Variants in HEXB observed in about 807,000 individuals in gnomAD.
HEXB encodes hexosaminidase subunit beta, also known as beta-hexosaminidase subunit beta.
Under a neutral mutation model 71.2 loss-of-function variants are expected in HEXB, and 51 were observed. The ratio of observed to expected loss-of-function variants is 0.72; its 90% confidence interval spans 0.57 to 0.90. The LOEUF (loss-of-function observed/expected upper bound fraction) is 0.90, where lower values mean the gene tolerates loss of function less well. Ranked by LOEUF, HEXB falls within the 40% of genes least tolerant of loss-of-function variation. The probability of loss-of-function intolerance (pLI) is 0.00; values close to 1 mark genes in which losing one functional copy is unlikely to be tolerated. For synonymous variants in HEXB, 266 were observed against 249.3 expected (o/e 1.07, Z -0.63); for missense variants, 617 against 677.0 (o/e 0.91, Z 0.98).
At chr5:74,648,449 A>G (rs1748041199) in intron 1 of HEXB, among the ~76,000 whole-genome samples, 1 of 152,220 alleles carries the variant, frequency 6.6e-6, no homozygotes, top group Admixed American at 6.5e-5. Context: ...GTCCCCTGAC[A>G]CCTCCAATCC....
At chr5:74,644,964 G>A (rs1464218998) in intron 1 of HEXB, among the ~76,000 whole-genome samples, 3 of 151,124 alleles carry the variant, frequency 2.0e-5, no homozygotes, top group Non-Finnish European at 4.4e-5. Flanking sequence ...TACAGACAGG[G>A]GTCCATCATG....
At chr5:74,684,608 T>A (rs945757264), upstream of HEXB, among the ~76,000 whole-genome samples, 3 of 151,896 alleles carry the variant, frequency 2.0e-5, no homozygotes, top group African/African-American at 7.3e-5. Flanking sequence ...GTTGACAGCG[T>A]GAGCGGCGAC....
chr5:74,703,899 A>G (rs1043425368), intron 5 of HEXB, among the ~76,000 whole-genome samples: 4 of 152,150 alleles, frequency 2.6e-5, no homozygotes, highest in African/African-American at 9.7e-5. Flanking sequence ...GGCTGGTCTC[A>G]AACTCCTGGG....
intron 1 of HEXB, among the ~76,000 whole-genome samples, chr5:74,663,506 C>T (rs1748370791): frequency 1.3e-5 from 2 of 152,074 alleles, no homozygotes; most frequent in South Asian, 4.2e-4. Flanking sequence ...TGACCTCTTT[C>T]TAATCACGTG....
intron 1 of HEXB, among the ~76,000 whole-genome samples, chr5:74,670,067 G>GTAC (rs1748504465): frequency 6.6e-6 from 1 of 152,136 alleles, no homozygotes. Context: ...GAAAGCCAAG[G>GTAC]TACTAGTCTT....
upstream of HEXB, among the ~76,000 whole-genome samples, chr5:74,682,757 T>A (rs1051272208): frequency 6.6e-6 from 1 of 152,218 alleles, no homozygotes; most frequent in African/African-American, 2.4e-5. Context: ...GGGAGAATAG[T>A]GTGCCACTGA....
At chr5:74,661,089 A>T (rs1748310539) in intron 1 of HEXB, among the ~76,000 whole-genome samples, 1 of 152,202 alleles carries the variant, frequency 6.6e-6, no homozygotes, top group South Asian at 2.1e-4. Context: ...AGCTGGAGCC[A>T]CAGTGAGCCA....
intron 5 of HEXB, among the ~76,000 whole-genome samples, chr5:74,702,102 G>A (rs1234021845): frequency 2.7e-5 from 3 of 110,256 alleles, no homozygotes; most frequent in African/African-American, 3.6e-5. Flanking sequence ...TTTTTGAGAC[G>A]GAGTCTCGCT....
Position 74,708,631 on chromosome 5 carries a change from G to C in HEXB, c.771+3311G>C, listed in dbSNP as rs542591821. The stretch of plus-strand genomic sequence containing the variant: ...GAAATGGAAAACAAAAAAAGTCAGG[G>C]GTTGCAATCCTAGTCTCTGATAAAA... On this transcript the variant is annotated intron_variant, in intron 6 of 13. Coordinates refer to ENST00000261416, the MANE Select transcript of HEXB (RefSeq NM_000521.4). Among the ~76,000 whole-genome samples the C allele has an allele frequency of 1.3e-4, 19 of 151,976 alleles. No homozygotes were observed. The East Asian group carries it at 3.5e-3, about 28-fold the overall frequency.
In HEXB at chr5:74,718,897, CT is replaced by C. The variant is rs1324338803; in HGVS notation, c.1345del (p.Trp449GlyfsTer3). On this transcript the variant is annotated frameshift_variant, in exon 11 of 14. Coordinates refer to ENST00000261416, the MANE Select transcript of HEXB (RefSeq NM_000521.4). LOFTEE classifies it high-confidence loss of function. ...ASGFPVILSA[P>X]WYLDLISYGQ... is the part of the protein sequence containing the mutation. ...GGCTTCCCTGTAATCCTTTCTGCTC[CT>C]TGGTACTTAGATTTGATTAGCTATG... 9.9e-6 allele frequency: 16 copies of C among 1,613,890 alleles called. No homozygotes were observed. Among genetic ancestry groups the C allele is most frequent in the Non-Finnish European group, 1.4e-5 (16 of 1,179,958 alleles).
chr5:74,642,389 G>T (rs1267473416), intron 1 of HEXB, among the ~76,000 whole-genome samples: 2 of 152,168 alleles, frequency 1.3e-5, no homozygotes, highest in African/African-American at 2.4e-5. Flanking sequence ...CTGGCAAGCA[G>T]CACCCAGGTT....
At chr5:74,708,840 A>G (rs1342676240) in intron 6 of HEXB, among the ~76,000 whole-genome samples, 3 of 152,026 alleles carry the variant, frequency 2.0e-5, no homozygotes, top group African/African-American at 4.8e-5. Context: ...CACATTAATA[A>G]TGGGAGACTT....
Position 74,689,487 on chromosome 5 carries a change from C to A in HEXB, c.445+14C>A. ...CAGATGAGTCTTGTAAGTACCTATG[C>A]AATGTGAGTGTATTATATCCCAGGT... On this transcript the variant is annotated intron_variant, in intron 2 of 13. Coordinates refer to ENST00000261416, the MANE Select transcript of HEXB (RefSeq NM_000521.4). The A allele has an allele frequency of 6.2e-7, 1 of 1,609,394 alleles. No homozygotes were observed. Among genetic ancestry groups the A allele is most frequent in the Non-Finnish European group, 8.5e-7 (1 of 1,175,688 alleles).
intron 5 of HEXB, among the ~76,000 whole-genome samples, chr5:74,697,564 A>G (rs1185421483): frequency 5.3e-5 from 8 of 152,086 alleles, no homozygotes; most frequent in Admixed American, 1.3e-4. Context: ...CATCTCTACT[A>G]AAAATACAAA....
chr5:74,717,626 T>C (rs995780162), intron 9 of HEXB, among the ~76,000 whole-genome samples: 3 of 151,904 alleles, frequency 2.0e-5, no homozygotes, highest in Admixed American at 6.6e-5. Flanking sequence ...ATGGACCACA[T>C]ACAATTTTTT....
At chr5:74,720,914 CTGTTTTA>C in intron 13 of HEXB, 167 bp downstream of exon 13, 2 of 775,152 alleles carry the variant, frequency 2.6e-6, no homozygotes, top group Non-Finnish European at 4.4e-6. Flanking sequence ...AGACTTGTGA[CTGTTTTA>C]TAGATACAAA....
chr5:74,699,035 A>G (rs1046512371), intron 5 of HEXB, among the ~76,000 whole-genome samples: 4 of 151,850 alleles, frequency 2.6e-5, no homozygotes, highest in African/African-American at 7.2e-5. Flanking sequence ...AATACAAAAA[A>G]TTAGCCAGGC....
intron 6 of HEXB, among the ~76,000 whole-genome samples, chr5:74,711,591 AAAAC>A (rs1266171087): frequency 1.9e-4 from 29 of 152,206 alleles, no homozygotes; most frequent in African/African-American, 2.4e-4. Flanking sequence ...TTACAAGAAA[AAAAC>A]AAACAACCCC....
chr5:74,685,041 T>C (rs573489086), upstream of HEXB: 1 of 534,872 alleles, frequency 1.9e-6, no homozygotes, highest in East Asian at 3.4e-5. Context: ...GCTCTGCTCC[T>C]ACCCGAGGGC....
Sources: allele counts gnomAD v4.1 joint callset (sites outside exome capture counted in the v4.1 genomes callset), GRCh38; gene constraint gnomAD v4.1.1; transcripts MANE v1.5; gene names NCBI Gene and HGNC (gene_info 2026-07-23, HGNC 2026-07-21).